The following KCTD6 variants were observed in gnomAD, a reference collection of about 807,000 sequenced individuals.
KCTD6 encodes BTB/POZ domain-containing protein KCTD6.
Under a neutral mutation model 18.7 loss-of-function variants are expected in KCTD6, and 6 were observed. That is an observed-to-expected ratio of 0.32 (90% confidence interval 0.18 to 0.63). KCTD6 has a LOEUF of 0.63. Ranked by LOEUF, KCTD6 falls within the 30% of genes least tolerant of loss-of-function variation. KCTD6 has a pLI of 0.79. For synonymous variants in KCTD6, 86 were observed against 108.5 expected (o/e 0.79, Z 1.29); for missense variants, 165 against 300.2 (o/e 0.55, Z 3.33).
rs1303198064 is a variant in KCTD6 at position 58,497,174 on chromosome 3, GC to G, written c.-43-1535del. 5.9e-5 allele frequency among the ~76,000 whole-genome samples: 9 copies of G among 152,230 alleles called. No individual in the cohort carries two copies. The highest frequency in any genetic ancestry group is 5.2e-4 in the Admixed American group (8 of 15,284). ...TGAGTGTAAAGAATAAAAACTGACTGCCCCATAGTCTGGTCCACATTTTAGT... is the reference window on the plus strand; with the variant it reads ...TGAGTGTAAAGAATAAAAACTGACTGCCCATAGTCTGGTCCACATTTTAGT... On this transcript the variant is annotated intron_variant, in intron 1 of 2. Coordinates refer to ENST00000404589, the MANE Select transcript of KCTD6 (RefSeq NM_001128214.2). This position sits in a 1 kb window ranked among gnomAD's most constrained non-coding sequence, Gnocchi z 4.2.
Position 58,492,426 on chromosome 3 carries a change from C to T in KCTD6, c.-44+257C>T, listed in dbSNP as rs1184341796. ...GCGGGGATGCGCGGTTTCTGCGGGC[C>T]CGGGTTCGGAGCCCCGCGGCGCGCC... On this transcript the variant is annotated intron_variant, in intron 1 of 2. Transcript: ENST00000404589. This position sits in a 1 kb window ranked among gnomAD's most constrained non-coding sequence, Gnocchi z 6.1. Among the ~76,000 whole-genome samples, 2 of 151,418 alleles carry T rather than the reference C, an allele frequency of 1.3e-5. No homozygotes were observed. The highest frequency in any genetic ancestry group is 4.8e-5 in the African/African-American group (2 of 41,428).
At chr3:58,500,854 T>G (rs1274743613) in intron 2 of KCTD6, 92 bp from the exon 3 acceptor site, 1 of 794,496 alleles carries the variant, frequency 1.3e-6, no homozygotes, top group African/African-American at 1.7e-5. Flanking sequence ...TGAAAGAATC[T>G]TGGGCTTTGC....
chr3:58,500,982 T>C lies in KCTD6; in HGVS notation c.64T>C (p.Leu22=), dbSNP rs774000353. 1.6e-5 allele frequency: 26 copies of C among 1,604,536 alleles called. No individual in the cohort carries two copies. In the East Asian group the frequency reaches 5.4e-4, roughly 33 times the overall value. The stretch of plus-strand genomic sequence containing the variant: ...AGTCACATTAAATGTAGGTGGACAC[T>C]TGTATACAACGTCTCTCACCACATT... ...DPVTLNVGGH[L]YTTSLTTLTR... Residue 22 remains leucine, a synonymous_variant, in exon 3 of 3, where the codon TTG becomes CTG. Transcript: ENST00000404589.
Position 58,501,161 on chromosome 3 carries a change from G to T in KCTD6, c.243G>T (p.Leu81Phe). Residue 81 changes from leucine (L) to phenylalanine (F), a missense_variant, in exon 3 of 3, where the codon TTG becomes TTT. By Grantham distance (22) the Leu-to-Phe change is conservative. This residue lies in a region of KCTD6 where 106 missense variants were observed against 230.4 expected (regional missense o/e 0.46). Coordinates refer to ENST00000404589, the MANE Select transcript of KCTD6 (RefSeq NM_001128214.2). The surrounding 1 kb of genome is among the most constrained non-coding windows in gnomAD (Gnocchi z 9.7). ...FLRTSELTLP[L>F]DFKEFDLLRK... ...GAACTTCAGAATTGACCTTACCGTT[G>T]GATTTTAAGGAATTTGATCTGCTTC... The T allele has an allele frequency of 6.2e-7, 1 of 1,614,010 alleles. No homozygotes were observed. Among genetic ancestry groups the T allele is most frequent in the Non-Finnish European group, 8.5e-7 (1 of 1,179,996 alleles).
In KCTD6 at chr3:58,496,614, T is replaced by C. The variant is rs545187413; in HGVS notation, c.-43-2099T>C. Among the ~76,000 whole-genome samples the C allele has an allele frequency of 1.3e-5, 2 of 152,374 alleles. No individual in the cohort carries two copies. Among genetic ancestry groups the C allele is most frequent in the South Asian group, 4.1e-4 (2 of 4,832 alleles). On this transcript the variant is annotated intron_variant, in intron 1 of 2. Transcript: ENST00000404589. This position sits in a 1 kb window ranked among gnomAD's most constrained non-coding sequence, Gnocchi z 5.1. ...GAATGGGCTCTTCCCAGAAGTCCTCTATTTCCCATTTGAAATCTTGCTTTT... is the reference window on the plus strand; with the variant it reads ...GAATGGGCTCTTCCCAGAAGTCCTCCATTTCCCATTTGAAATCTTGCTTTT...
chr3:58,500,160 G>A (rs115715322), intron 2 of KCTD6, among the ~76,000 whole-genome samples: 7,031 of 151,484 alleles, frequency 0.046, 252 homozygotes, highest in Non-Finnish European at 0.062. Flanking sequence ...GTGTCGCCCA[G>A]GCTGAAGTGA....
In KCTD6 at chr3:58,496,114, G is replaced by A. The variant is rs531917578; in HGVS notation, c.-43-2599G>A. The stretch of plus-strand genomic sequence containing the variant: ...ACCGTTATTCACACTAGTTGAATGG[G>A]TTCCTGCCTTTTTTTGGTGGGGGGG... On this transcript the variant is annotated intron_variant, in intron 1 of 2. Transcript: ENST00000404589. This position sits in a 1 kb window ranked among gnomAD's most constrained non-coding sequence, Gnocchi z 5.1. Among the ~76,000 whole-genome samples, 2 of 82,984 alleles carry A rather than the reference G, an allele frequency of 2.4e-5. No individual in the cohort carries two copies. The highest frequency in any genetic ancestry group is 8.4e-4 in the East Asian group (2 of 2,386). The allele number at this position is 82,984 out of a possible 152,430, so 54.4% of individuals were successfully genotyped here.
Position 58,492,190 on chromosome 3 carries a change from G to T in KCTD6, c.-44+21G>T, listed in dbSNP as rs888178090. ...GCGCAGTGAGTGGGGCTGGCGCGGGGCTTGCGGGGCCGGGGTTTGGGAGGG... is the reference window on the plus strand; with the variant it reads ...GCGCAGTGAGTGGGGCTGGCGCGGGTCTTGCGGGGCCGGGGTTTGGGAGGG... On this transcript the variant is annotated intron_variant, in intron 1 of 2. Coordinates refer to ENST00000404589, the MANE Select transcript of KCTD6 (RefSeq NM_001128214.2). This position sits in a 1 kb window ranked among gnomAD's most constrained non-coding sequence, Gnocchi z 6.1. 1 of 149,770 alleles carries T rather than the reference G, an allele frequency of 6.7e-6. No homozygotes were observed. The highest frequency in any genetic ancestry group is 1.5e-5 in the Non-Finnish European group (1 of 66,884). The allele number at this position is 149,770 out of a possible 1,614,324, so 9.3% of individuals were successfully genotyped here. A position where few individuals can be genotyped will look rare whatever the true frequency, so the allele number is the denominator to read the frequency against.
Position 58,501,067 on chromosome 3 carries a change from G to A in KCTD6, c.149G>A (p.Arg50Gln), listed in dbSNP as rs761436512. The change falls in exon 3 of 3, where the codon CGA becomes CAA. Residue 50 changes from arginine to glutamine, a missense_variant. Coordinates refer to ENST00000404589, the MANE Select transcript of KCTD6 (RefSeq NM_001128214.2). The surrounding 1 kb of genome is among the most constrained non-coding windows in gnomAD (Gnocchi z 9.7). The part of the protein sequence containing the change: ...AMFGGDFPTA[R>Q]DPQGNYFIDR... ...TTTGGGGGGGACTTCCCCACAGCTC[G>A]AGACCCTCAAGGCAATTACTTTATT... The A allele has an allele frequency of 1.9e-6, 3 of 1,614,156 alleles. No individual in the cohort carries two copies. The highest frequency in any genetic ancestry group is 1.7e-5 in the Admixed American group (1 of 60,010).
rs1335784165 is a variant in KCTD6 at position 58,497,927 on chromosome 3, A to G, written c.-43-786A>G. 1.3e-5 allele frequency: 2 copies of G among 150,534 alleles called. No individual in the cohort carries two copies. Among genetic ancestry groups the G allele is most frequent in the African/African-American group, 4.9e-5 (2 of 40,968 alleles). The allele number at this position is 150,534 out of a possible 1,614,324, so 9.3% of individuals were successfully genotyped here. A position where few individuals can be genotyped will look rare whatever the true frequency, so the allele number is the denominator to read the frequency against. ...GTTTTTACTCAGGTGATTGGCTTGT[A>G]TAGCTGAAATGCTGATGAAAAGGAG... On this transcript the variant is annotated intron_variant, in intron 1 of 2. Transcript: ENST00000404589. The surrounding 1 kb of genome is among the most constrained non-coding windows in gnomAD (Gnocchi z 4.2).
Position 58,498,219 on chromosome 3 carries a change from G to A in KCTD6, c.-43-494G>A, listed in dbSNP as rs1161735813. The A allele has an allele frequency of 6.6e-6, 1 of 152,588 alleles. No homozygotes were observed. The highest frequency in any genetic ancestry group is 1.5e-5 in the Non-Finnish European group (1 of 68,376). 9.5% of individuals were successfully genotyped at this position (152,588 alleles called of 1,614,324 possible). On this transcript the variant is annotated intron_variant, in intron 1 of 2. Transcript: ENST00000404589. The surrounding 1 kb of genome is among the most constrained non-coding windows in gnomAD (Gnocchi z 4.6). ...TCTGGTCTTGAACTCCTGACCTGGT[G>A]ATCCTCCTGCCTCAGCCTCCCAAAG...
rs1236720902 is a variant in KCTD6, at chr3:58,498,012, C to T, written c.-43-701C>T. ...TTTTTTTTTTTTTGAGATGGAGTCTCGCACTGTTGCAGGGGCTGGTGTGCA... is the reference window on the plus strand; with the variant it reads ...TTTTTTTTTTTTTGAGATGGAGTCTTGCACTGTTGCAGGGGCTGGTGTGCA... On this transcript the variant is annotated intron_variant, in intron 1 of 2. Coordinates refer to ENST00000404589, the MANE Select transcript of KCTD6 (RefSeq NM_001128214.2). The surrounding 1 kb of genome is among the most constrained non-coding windows in gnomAD (Gnocchi z 4.6). The T allele has an allele frequency of 1.4e-5, 2 of 140,426 alleles. No homozygotes were observed. Among genetic ancestry groups the T allele is most frequent in the Non-Finnish European group, 3.0e-5 (2 of 66,084 alleles). 8.7% of individuals were successfully genotyped at this position (140,426 alleles called of 1,614,324 possible). A position where few individuals can be genotyped will look rare whatever the true frequency, so the allele number is the denominator to read the frequency against.
At position 58,496,768 on chromosome 3, in the gene KCTD6, C is replaced by T. The variant is rs1197944725; in HGVS notation, c.-43-1945C>T. ...CATGAGGGCAAAGATTGTCTTTTTCCTCTTTCTGTGTGTCCGCATTGCACA... is the reference window on the plus strand; with the variant it reads ...CATGAGGGCAAAGATTGTCTTTTTCTTCTTTCTGTGTGTCCGCATTGCACA... On this transcript the variant is annotated intron_variant, in intron 1 of 2. Transcript: ENST00000404589. This position sits in a 1 kb window ranked among gnomAD's most constrained non-coding sequence, Gnocchi z 5.1. 1.3e-5 allele frequency among the ~76,000 whole-genome samples: 2 copies of T among 152,156 alleles called. No homozygotes were observed. The highest frequency in any genetic ancestry group is 4.8e-5 in the African/African-American group (2 of 41,418).
At chr3:58,499,115 G>A (rs61595191) in intron 2 of KCTD6, among the ~76,000 whole-genome samples, 40,105 of 151,892 alleles carry the variant, frequency 0.26, 7,092 homozygotes, top group East Asian at 0.67. Context: ...GATTATCAGC[G>A]TGCACCACCA....
Position 58,498,215 on chromosome 3 carries a change from TG to T in KCTD6, c.-43-496del, listed in dbSNP as rs2063188605. ...GCAGTCTGGTCTTGAACTCCTGACC[TG>T]GTGATCCTCCTGCCTCAGCCTCCCA... On this transcript the variant is annotated intron_variant, in intron 1 of 2. Transcript: ENST00000404589. The surrounding 1 kb of genome is among the most constrained non-coding windows in gnomAD (Gnocchi z 4.6). 1 of 152,590 alleles carries T rather than the reference TG, an allele frequency of 6.6e-6. No individual in the cohort carries two copies. Among genetic ancestry groups the T allele is most frequent in the Non-Finnish European group, 1.5e-5 (1 of 68,374 alleles). 9.5% of individuals were successfully genotyped at this position (152,590 alleles called of 1,614,324 possible).
chr3:58,497,400 G>C lies in KCTD6; in HGVS notation c.-43-1313G>C, dbSNP rs2063179451. Reference sequence around the variant, plus strand: ...AAGTGGGAAAAGTGAATCTGTTAAAGGACCACGTAAAAAAGCCAGTGCTTT... The same window carrying C: ...AAGTGGGAAAAGTGAATCTGTTAAACGACCACGTAAAAAAGCCAGTGCTTT... On this transcript the variant is annotated intron_variant, in intron 1 of 2. Coordinates refer to ENST00000404589, the MANE Select transcript of KCTD6 (RefSeq NM_001128214.2). This position sits in a 1 kb window ranked among gnomAD's most constrained non-coding sequence, Gnocchi z 4.2. 6.6e-6 allele frequency among the ~76,000 whole-genome samples: 1 copy of C among 152,212 alleles called. No individual in the cohort carries two copies. The highest frequency in any genetic ancestry group is 1.5e-5 in the Non-Finnish European group (1 of 68,034).
At chr3:58,494,953 T>C (rs1223811046) in intron 1 of KCTD6, among the ~76,000 whole-genome samples, 1 of 152,056 alleles carries the variant, frequency 6.6e-6, no homozygotes, top group African/African-American at 2.4e-5. Flanking sequence ...CTTTGGGGAG[T>C]GGGCAGTGTT....
chr3:58,496,407 T>C lies in KCTD6; in HGVS notation c.-43-2306T>C, dbSNP rs187390590. ...AGCTGTGGCGCCCTCAGCTAGTCAC[T>C]TAATCTGCCTTGTTTCTCTGTTTTG... is the stretch of plus-strand genomic sequence containing the variant. On this transcript the variant is annotated intron_variant, in intron 1 of 2. Coordinates refer to ENST00000404589, the MANE Select transcript of KCTD6 (RefSeq NM_001128214.2). This position sits in a 1 kb window ranked among gnomAD's most constrained non-coding sequence, Gnocchi z 5.1. Among the ~76,000 whole-genome samples the C allele has an allele frequency of 2.7e-3, 415 of 152,382 alleles. No homozygotes were observed. The highest frequency in any genetic ancestry group is 4.2e-3 in the Admixed American group (64 of 15,306).
Position 58,493,578 on chromosome 3 carries a change from C to G in KCTD6, c.-44+1409C>G, listed in dbSNP as rs1295034602. Among the ~76,000 whole-genome samples the G allele has an allele frequency of 6.6e-6, 1 of 152,208 alleles. No individual in the cohort carries two copies. The highest frequency in any genetic ancestry group is 1.5e-5 in the Non-Finnish European group (1 of 68,048). On this transcript the variant is annotated intron_variant, in intron 1 of 2. Transcript: ENST00000404589. The surrounding 1 kb of genome is among the most constrained non-coding windows in gnomAD (Gnocchi z 4.5). ...TGGTGAACTCTGGGAAAACTAGACA[C>G]TCCCCTTTACCTGTATATAGTTCTC...
Sources: allele counts gnomAD v4.1 joint callset (sites outside exome capture counted in the v4.1 genomes callset), GRCh38; gene constraint gnomAD v4.1.1; regional missense constraint gnomAD v4.1.1; non-coding constraint Gnocchi (gnomAD v3.1); transcripts MANE v1.5; gene names NCBI Gene and HGNC (gene_info 2026-07-23, HGNC 2026-07-21).